GRIK2: variants seen among roughly 807,000 people sequenced by gnomAD.
GRIK2 encodes the protein glutamate receptor ionotropic, kainate 2.
GRIK2 carries 32 observed loss-of-function variants against 100.3 expected under a neutral mutation model. The ratio of observed to expected loss-of-function variants is 0.32; its 90% CI spans 0.24 to 0.43. The LOEUF (loss-of-function observed/expected upper bound fraction) is 0.43. Ranked by LOEUF, GRIK2 falls within the 20% of genes least tolerant of loss-of-function variation. GRIK2 has a pLI of 1.00. For synonymous variants in GRIK2, 417 were observed against 389.4 expected (o/e 1.07, Z -0.83); for missense variants, 843 against 1,114.9 (o/e 0.76, Z 3.47).
intron 7 of GRIK2, among the ~76,000 whole-genome samples, chr6:101,789,799 T>A (rs1405324395): frequency 1.3e-5 from 2 of 152,196 alleles, no homozygotes; most frequent in African/African-American, 4.8e-5. Flanking sequence ...CCTTGGGCAT[T>A]ATGGCCATTT....
chr6:102,053,402 T>A (rs72952223), intron 15 of GRIK2, among the ~76,000 whole-genome samples: 13,879 of 152,248 alleles, frequency 0.091, 866 homozygotes, highest in Non-Finnish European at 0.14. Flanking sequence ...CCTTAGTTTA[T>A]GGTGTTTTAT....
At chr6:101,968,071 C>G (rs1792802261) in intron 14 of GRIK2, among the ~76,000 whole-genome samples, 1 of 151,878 alleles carries the variant, frequency 6.6e-6, no homozygotes, top group South Asian at 2.1e-4. Context: ...TGAATGTGCC[C>G]TTCTCCAGTA....
At chr6:101,552,989 T>C (rs997489812) in intron 2 of GRIK2, among the ~76,000 whole-genome samples, 6 of 152,192 alleles carry the variant, frequency 3.9e-5, no homozygotes, top group African/African-American at 1.2e-4. Context: ...AAAATGTACA[T>C]GACCATATTA....
intron 14 of GRIK2, among the ~76,000 whole-genome samples, chr6:102,034,167 T>G (rs2114420923): frequency 6.6e-6 from 1 of 151,512 alleles, no homozygotes; most frequent in African/African-American, 2.4e-5. Flanking sequence ...GCCCTGATTC[T>G]GTCCTTGTCT....
intron 2 of GRIK2, among the ~76,000 whole-genome samples, chr6:101,542,400 C>T (rs1425308964): frequency 3.9e-5 from 6 of 152,014 alleles, no homozygotes; most frequent in Non-Finnish European, 8.8e-5. Context: ...CAATTCAGGG[C>T]TCTTTGCATT....
intron 7 of GRIK2, among the ~76,000 whole-genome samples, chr6:101,738,820 G>A (rs747409186): frequency 1.3e-5 from 2 of 152,150 alleles, no homozygotes; most frequent in Admixed American, 6.5e-5. Context: ...ATCACCCTGT[G>A]TAAAGAACCA....
At chr6:102,011,628 G>A (rs1354347659) in intron 14 of GRIK2, among the ~76,000 whole-genome samples, 2 of 123,170 alleles carry the variant, frequency 1.6e-5, no homozygotes, top group Admixed American at 2.1e-4. Context: ...CTGTCACCCA[G>A]GTTGGAGTGC....
intron 7 of GRIK2, among the ~76,000 whole-genome samples, chr6:101,773,922 T>C (rs1778569210): frequency 6.6e-6 from 1 of 152,174 alleles, no homozygotes. Flanking sequence ...TATTGTAGAG[T>C]AATGAGCACA....
intron 15 of GRIK2, among the ~76,000 whole-genome samples, chr6:102,048,423 C>T (rs939136815): frequency 2.0e-5 from 3 of 151,868 alleles, no homozygotes; most frequent in African/African-American, 7.2e-5. Context: ...GAAGGGACAA[C>T]CTAGAGATTG....
intron 16 of GRIK2, 81 bp from the exon 17 acceptor site, chr6:102,068,266 T>G (rs534481016): frequency 9.8e-7 from 1 of 1,020,124 alleles, no homozygotes; most frequent in African/African-American, 1.6e-5. Flanking sequence ...ACAAGTCTGT[T>G]GAGGATGATT....
In GRIK2 at chr6:101,613,206, C is replaced by T. The variant is rs571091018; in HGVS notation, c.116-8743C>T. Among the ~76,000 whole-genome samples, 722 of 151,770 alleles carry T rather than the reference C, an allele frequency of 4.8e-3. 7 individuals carry two copies. The highest frequency in any genetic ancestry group is 0.017 in the African/African-American group (694 of 41,480). ...TGTAGAAATGATGGGAATCTATAAACTGTTAGCTAGAATAATTAAGAAGAC... is the reference window on the plus strand; with the variant it reads ...TGTAGAAATGATGGGAATCTATAAATTGTTAGCTAGAATAATTAAGAAGAC... On this transcript the variant is annotated intron_variant, in intron 2 of 16. Transcript: ENST00000369134.
rs1315524835 is a variant in GRIK2, at chr6:102,006,390, A to ATATATT, written c.2086-28950_2086-28949insATATTT. Reference sequence around the variant, plus strand: ...CTTTTATATATATATATATATATATATTTTTTTTTTTTTTGAGACATACAG... The same window carrying ATATATT: ...CTTTTATATATATATATATATATATATATATTTTTTTTTTTTTTTTGAGACATACAG... On this transcript the variant is annotated intron_variant, in intron 14 of 16. Transcript: ENST00000369134. 9.8e-4 allele frequency among the ~76,000 whole-genome samples: 112 copies of ATATATT among 114,078 alleles called. 3 individuals are homozygous for ATATATT. The highest frequency in any genetic ancestry group is 1.9e-3 in the African/African-American group (42 of 21,904). 74.8% of individuals were successfully genotyped at this position (114,078 alleles called of 152,430 possible). A position where few individuals can be genotyped will look rare whatever the true frequency, so the allele number is the denominator to read the frequency against.
intron 7 of GRIK2, among the ~76,000 whole-genome samples, chr6:101,783,148 G>C (rs1244832203): frequency 1.3e-5 from 2 of 152,076 alleles, no homozygotes; most frequent in African/African-American, 4.8e-5. Context: ...GTGAGGCAGT[G>C]CACCCGGCCT....
chr6:101,961,867 A>G (rs1320830635), intron 14 of GRIK2, among the ~76,000 whole-genome samples: 1 of 152,144 alleles, frequency 6.6e-6, no homozygotes, highest in Non-Finnish European at 1.5e-5. Flanking sequence ...GTGTTGAGGC[A>G]AGAGCTGAGA....
intron 4 of GRIK2, among the ~76,000 whole-genome samples, chr6:101,643,654 G>C (rs1285776396): frequency 6.6e-6 from 1 of 151,182 alleles, no homozygotes; most frequent in Non-Finnish European, 1.5e-5. Flanking sequence ...TTGAAATCAG[G>C]AACTATGAGA....
At chr6:101,479,149 G>C (rs573485871) in intron 2 of GRIK2, among the ~76,000 whole-genome samples, 2 of 152,238 alleles carry the variant, frequency 1.3e-5, no homozygotes, top group Non-Finnish European at 2.9e-5. Context: ...GAAATGTCTA[G>C]ACATGTCCAA....
chr6:101,491,925 CATGTATGT>C (rs936628245), intron 2 of GRIK2, among the ~76,000 whole-genome samples: 1 of 149,348 alleles, frequency 6.7e-6, no homozygotes, highest in African/African-American at 2.5e-5. Flanking sequence ...ATATATATTA[CATGTATGT>C]ATGTATTAGG....
chr6:101,933,002 G>T (rs1020538780), intron 14 of GRIK2, among the ~76,000 whole-genome samples: 2 of 151,822 alleles, frequency 1.3e-5, no homozygotes, highest in African/African-American at 4.8e-5. Flanking sequence ...AGCCACACAC[G>T]CCGTTCTTTT....
chr6:101,841,356 A>G (rs147888139), intron 10 of GRIK2, among the ~76,000 whole-genome samples: 1 of 147,584 alleles, frequency 6.8e-6, no homozygotes, highest in African/African-American at 2.6e-5. Flanking sequence ...TGCATTGTGA[A>G]TATCTCAGAA....
Sources: gnomAD v4.1 joint callset for allele counts (sites outside exome capture counted in the v4.1 genomes callset) on GRCh38, gnomAD v4.1.1 for gene constraint, MANE v1.5 for transcripts, NCBI Gene and HGNC (gene_info 2026-07-23, HGNC 2026-07-21) for gene names.